WWC2: variants seen among roughly 807,000 people sequenced by gnomAD.
WWC2 encodes protein WWC2.
A neutral mutation model predicts 138.5 loss-of-function variants in WWC2; 101 were observed. That is an observed-to-expected ratio of 0.73 (90% CI 0.62 to 0.86). The LOEUF (loss-of-function observed/expected upper bound fraction) is 0.86. Among genes scored for constraint, WWC2 ranks in the 40% least tolerant of loss-of-function variants. The pLI is 0.00. For synonymous variants in WWC2, 558 were observed against 538.4 expected (o/e 1.04, Z -0.50); for missense variants, 1,420 against 1,419.4 (o/e 1.00, Z -0.01).
chr4:183,264,712 G>A (rs1434506425), intron 11 of WWC2, among the ~76,000 whole-genome samples: 8 of 152,144 alleles, frequency 5.3e-5, no homozygotes, highest in African/African-American at 1.4e-4. Flanking sequence ...GAGAATTTGT[G>A]TAATTCATCC....
chr4:183,228,406 T>G, intron 4 of WWC2, among the ~76,000 whole-genome samples: 1 of 152,100 alleles, frequency 6.6e-6, no homozygotes. Context: ...ATACACGTGG[T>G]TGACAAGCTT....
chr4:183,148,652 T>TTGTAGCTCTCAGC (rs1733543345), intron 1 of WWC2, among the ~76,000 whole-genome samples: 1 of 152,200 alleles, frequency 6.6e-6, no homozygotes, highest in African/African-American at 2.4e-5. Context: ...GATATCTTTG[T>TTGTAGCTCTCAGC]TGTAGCTCTC....
intron 4 of WWC2, among the ~76,000 whole-genome samples, chr4:183,234,185 C>T (rs1192434620): frequency 6.6e-6 from 1 of 152,182 alleles, no homozygotes; most frequent in African/African-American, 2.4e-5. Flanking sequence ...GTCCTACTTA[C>T]CACGTTTAAT....
At chr4:183,140,169 C>T (rs1382279224) in intron 1 of WWC2, among the ~76,000 whole-genome samples, 1 of 152,176 alleles carries the variant, frequency 6.6e-6, no homozygotes, top group Non-Finnish European at 1.5e-5. Context: ...TCAATAAATA[C>T]TTGTAAATGA....
At chr4:183,267,334 G>A (rs1737537892) in intron 14 of WWC2, among the ~76,000 whole-genome samples, 2 of 152,190 alleles carry the variant, frequency 1.3e-5, no homozygotes, top group Admixed American at 6.5e-5. Context: ...CAGAGAGCCT[G>A]CTTCCCAAAT....
intron 21 of WWC2, among the ~76,000 whole-genome samples, chr4:183,306,671 C>T (rs996321980): frequency 9.6e-5 from 12 of 125,648 alleles, no homozygotes; most frequent in Admixed American, 7.7e-4. Context: ...GGATTATAGG[C>T]GCACGCCACC....
At chr4:183,183,776 C>T (rs1212597355) in intron 1 of WWC2, among the ~76,000 whole-genome samples, 3 of 151,202 alleles carry the variant, frequency 2.0e-5, no homozygotes, top group African/African-American at 7.3e-5. Context: ...GAGTGAGACC[C>T]TGTCTCAAAA....
chr4:183,149,886 C>T (rs1211956946), intron 1 of WWC2, among the ~76,000 whole-genome samples: 6 of 152,118 alleles, frequency 3.9e-5, no homozygotes, highest in Admixed American at 3.3e-4. Flanking sequence ...TCAGTCATTT[C>T]TTTTTCATTT....
chr4:183,185,874 T>C (rs1202938222), intron 1 of WWC2, among the ~76,000 whole-genome samples: 1 of 152,208 alleles, frequency 6.6e-6, no homozygotes, highest in Non-Finnish European at 1.5e-5. Context: ...GTGTGGTACA[T>C]GATAAACATT....
At chr4:183,259,280 A>T (rs975974932) in intron 9 of WWC2, among the ~76,000 whole-genome samples, 1 of 152,180 alleles carries the variant, frequency 6.6e-6, no homozygotes, top group Non-Finnish European at 1.5e-5. Flanking sequence ...CAGGTCACAG[A>T]TCTGTGTCAG....
chr4:183,310,074 G>A (rs1305817392), intron 21 of WWC2, among the ~76,000 whole-genome samples: 1 of 152,212 alleles, frequency 6.6e-6, no homozygotes, highest in Non-Finnish European at 1.5e-5. Flanking sequence ...GGAATAGGCA[G>A]AGCACAGGGG....
At chr4:183,117,215 CTTTTTTTTTTTTT>C (rs923478529) in intron 1 of WWC2, among the ~76,000 whole-genome samples, 13 of 95,672 alleles carry the variant, frequency 1.4e-4, no homozygotes, top group Non-Finnish European at 2.0e-4. Context: ...CATTCTTCTT[CTTTTTTTTTTTTT>C]TTTTTTTTTT....
At chr4:183,164,403 T>A (rs1373965865) in intron 1 of WWC2, among the ~76,000 whole-genome samples, 29 of 650 alleles carry the variant, frequency 0.045, 2 homozygotes, top group African/African-American at 0.14. Flanking sequence ...TACATATATA[T>A]TATATATAAT....
chr4:183,280,242 T>TTTG (rs1340452699), intron 16 of WWC2, among the ~76,000 whole-genome samples: 20 of 148,290 alleles, frequency 1.3e-4, no homozygotes, highest in African/African-American at 4.0e-4. Context: ...TTTTTTTTTT[T>TTTG]TTTTTTTTTT....
At chr4:183,159,407 A>G (rs1733895357) in intron 1 of WWC2, among the ~76,000 whole-genome samples, 1 of 151,902 alleles carries the variant, frequency 6.6e-6, no homozygotes, top group South Asian at 2.1e-4. Context: ...GTTCTTATCT[A>G]TTTATTTATT....
chr4:183,314,545 G>C (rs888609082), intron 22 of WWC2, among the ~76,000 whole-genome samples: 2 of 152,190 alleles, frequency 1.3e-5, no homozygotes, highest in African/African-American at 4.8e-5. Flanking sequence ...GGCCTGGGCC[G>C]TTCTGCCCGG....
At chr4:183,180,170 G>A (rs538106184) in intron 1 of WWC2, among the ~76,000 whole-genome samples, 3 of 152,244 alleles carry the variant, frequency 2.0e-5, no homozygotes, top group East Asian at 3.9e-4. Context: ...GGAACTGCAC[G>A]TGTTAAAGAT....
chr4:183,294,985 C>A (rs1339471259), intron 21 of WWC2, among the ~76,000 whole-genome samples: 1 of 152,016 alleles, frequency 6.6e-6, no homozygotes, highest in Non-Finnish European at 1.5e-5. Flanking sequence ...TGAAAACTGG[C>A]AGGCAAGTAA....
At chr4:183,213,606 G>A (rs35110993) in intron 4 of WWC2, among the ~76,000 whole-genome samples, 40,985 of 152,084 alleles carry the variant, frequency 0.27, 6,265 homozygotes, top group African/African-American at 0.42. Context: ...TTCATGTTAT[G>A]TTATGGACAT....
Sources: allele counts gnomAD v4.1 joint callset (sites outside exome capture counted in the v4.1 genomes callset), GRCh38; gene constraint gnomAD v4.1.1; transcripts MANE v1.5; gene names NCBI Gene and HGNC (gene_info 2026-07-23, HGNC 2026-07-21).